The following PDE4C variants were observed in gnomAD, a reference collection of about 807,000 sequenced individuals.
The protein encoded by PDE4C is 3',5'-cyclic-AMP phosphodiesterase 4C.
A neutral mutation model predicts 63.9 loss-of-function variants in PDE4C; 50 were observed. The ratio of observed to expected loss-of-function variants is 0.78; its 90% CI spans 0.62 to 0.99. The LOEUF (loss-of-function observed/expected upper bound fraction) is 0.99. Ranked by LOEUF, PDE4C falls within the 50% of genes least tolerant of loss-of-function variation. PDE4C has a pLI of 0.00. For missense variants in PDE4C, 777 were observed against 899.1 expected, an observed-to-expected ratio of 0.86 and a Z score of 1.74; for synonymous variants, 377 against 385.1, an observed-to-expected ratio of 0.98 and a Z score of 0.25.
chr19:18,223,140 T>G (rs1231121150), intron 1 of PDE4C, among the ~76,000 whole-genome samples: 2 of 151,910 alleles, frequency 1.3e-5, no homozygotes, highest in Non-Finnish European at 2.9e-5. Context: ...CCTCCCGGGT[T>G]CAAGCAATTT....
upstream of PDE4C, among the ~76,000 whole-genome samples, chr19:18,249,531 T>G (rs1200704460): frequency 6.6e-6 from 1 of 151,812 alleles, no homozygotes; most frequent in Non-Finnish European, 1.5e-5. Flanking sequence ...CACCTTTGCC[T>G]TCCAAAGTGC....
At chr19:18,221,229 G>A in intron 3 of PDE4C, 32 bp downstream of exon 3, 1 of 1,557,840 alleles carries the variant, frequency 6.4e-7, no homozygotes, top group East Asian at 2.3e-5. Flanking sequence ...GATCCGGAGG[G>A]GGTCAGGGCA....
At chr19:18,214,248 C>T (rs534278411) in intron 12 of PDE4C, among the ~76,000 whole-genome samples, 36 of 147,120 alleles carry the variant, frequency 2.4e-4, no homozygotes, top group African/African-American at 9.1e-4. Flanking sequence ...AAGACTCCGT[C>T]TCAAAAAAAA....
rs1021463740 is a variant in PDE4C at position 18,211,301 on chromosome 19, G to T, written c.1696-25C>A. The T allele has an allele frequency of 3.9e-6, 6 of 1,536,510 alleles. No homozygotes were observed. In the African/African-American group the frequency reaches 8.2e-5, roughly 21 times the overall value. On this transcript the variant is annotated intron_variant, in intron 14 of 14. Transcript: ENST00000262805. ...CCTGTGGCGGGGGGTGGGGCATGTC[G>T]GCATTTGGTGAGTTACAGTGAACCC...
At chr19:18,243,946 CCT>C (rs1357936960) in intron 1 of PDE4C, among the ~76,000 whole-genome samples, 1 of 152,014 alleles carries the variant, frequency 6.6e-6, no homozygotes, top group Non-Finnish European at 1.5e-5. Flanking sequence ...CCTCCAACTC[CCT>C]GTTTCATGTG....
intron 7 of PDE4C, 52 bp from the exon 8 acceptor site, chr19:18,219,449 C>A (rs1968364681): frequency 2.0e-6 from 3 of 1,526,204 alleles, no homozygotes; most frequent in Admixed American, 4.3e-5. Context: ...CCTGCTGGGG[C>A]CTGGCCTCAG....
upstream of PDE4C, among the ~76,000 whole-genome samples, chr19:18,227,565 T>C (rs1968767530): frequency 6.6e-6 from 1 of 152,178 alleles, no homozygotes; most frequent in South Asian, 2.1e-4. Context: ...TACCAGGTGC[T>C]CTACCCTCAG....
chr19:18,219,242 G>C, exon 8 of PDE4C: 1 of 1,614,204 alleles, frequency 6.2e-7, no homozygotes, highest in Non-Finnish European at 8.5e-7. Context: ...ACCTTGGCCA[G>C]TTGCTCCTCC....
chr19:18,249,042 A>G (rs1194298057), upstream of PDE4C, among the ~76,000 whole-genome samples: 1 of 150,962 alleles, frequency 6.6e-6, no homozygotes, highest in Admixed American at 6.6e-5. Flanking sequence ...AAAAAAAAAA[A>G]AAGAATGGCT....
upstream of PDE4C, among the ~76,000 whole-genome samples, chr19:18,248,868 CA>C (rs67023024): frequency 0.76 from 114,694 of 151,382 alleles, 43,627 homozygotes; most frequent in East Asian, 0.91. Flanking sequence ...ACTAAAAATA[CA>C]AAAAAATTAG....
chr19:18,220,398 C>A lies in PDE4C; in HGVS notation c.612+5G>T. On this transcript the variant is annotated splice_donor_5th_base_variant and intron_variant, in intron 6 of 14. Transcript: ENST00000262805. This position sits in a 1 kb window ranked among gnomAD's most constrained non-coding sequence, Gnocchi z 5.1. ...AGGTGAGCTCAGCGATCTGCCCCAC[C>A]TCACCTTGTTGGAGGCCATCTCCCC... 6.2e-7 allele frequency: 1 copy of A among 1,613,892 alleles called. No homozygotes were observed. The highest frequency in any genetic ancestry group is 2.2e-5 in the East Asian group (1 of 44,876).
intron 1 of PDE4C, among the ~76,000 whole-genome samples, chr19:18,231,679 G>A (rs1968851321): frequency 2.0e-5 from 3 of 152,122 alleles, no homozygotes; most frequent in Admixed American, 2.0e-4. Flanking sequence ...ACTCAGCCTG[G>A]ACTGAAATCT....
chr19:18,231,238 C>T (rs187563110), upstream of PDE4C, among the ~76,000 whole-genome samples: 2 of 152,328 alleles, frequency 1.3e-5, no homozygotes, highest in East Asian at 1.9e-4. Context: ...TGCTCATCCA[C>T]GTATGTGTGA....
chr19:18,226,294 C>T, exon 1 of PDE4C: 1 of 1,569,398 alleles, frequency 6.4e-7, no homozygotes, highest in Non-Finnish European at 8.6e-7. Context: ...CACCGTGAAG[C>T]GCCGCTGCAG....
chr19:18,220,578 C>T lies in PDE4C; in HGVS notation c.500-63G>A. On this transcript the variant is annotated intron_variant, in intron 5 of 14. Transcript: ENST00000262805. This position sits in a 1 kb window ranked among gnomAD's most constrained non-coding sequence, Gnocchi z 5.1. The stretch of plus-strand genomic sequence containing the variant: ...CCGCTCAGGGACCCCACGCCTCTCG[C>T]GACTTCGTCTCTTCATCTGGACCCT... The T allele has an allele frequency of 1.4e-6, 2 of 1,395,346 alleles. No individual in the cohort carries two copies. Among genetic ancestry groups the T allele is most frequent in the Non-Finnish European group, 2.0e-6 (2 of 1,001,796 alleles). 86.4% of individuals were successfully genotyped at this position (1,395,346 alleles called of 1,614,324 possible).
upstream of PDE4C, among the ~76,000 whole-genome samples, chr19:18,249,655 C>A (rs909544922): frequency 6.6e-5 from 10 of 150,546 alleles, no homozygotes; most frequent in Non-Finnish European, 1.5e-4. Context: ...CTCACTGCAA[C>A]CTCCGCCTCC....
At chr19:18,246,435 G>T (rs577911866) in intron 1 of PDE4C, among the ~76,000 whole-genome samples, 1 of 150,984 alleles carries the variant, frequency 6.6e-6, no homozygotes, top group African/African-American at 2.4e-5. Context: ...CACCTGCCTC[G>T]GCCTCCCAAA....
chr19:18,220,312 C>T lies in PDE4C; in HGVS notation c.620G>A (p.Arg207Gln), dbSNP rs1042552963. 6 of 1,613,988 alleles carry T rather than the reference C, an allele frequency of 3.7e-6. No homozygotes were observed. The highest frequency in any genetic ancestry group is 5.1e-6 in the Non-Finnish European group (6 of 1,179,994). ...GTGGGTCAACTCCCGGTTCAGGATC[C>T]GCTTGAACTGGGGCGGAGAGAAGGT... The change falls in exon 7 of 15, where the codon CGG becomes CAG. Residue 207 changes from arginine (R) to glutamine (Q), a missense_variant. By Grantham distance (43) the Arg-to-Gln change is conservative. This residue lies in a region of PDE4C where 28 missense variants were observed against 53.5 expected (regional missense o/e 0.52). Coordinates refer to ENST00000262805, the Ensembl canonical transcript of PDE4C. This position sits in a 1 kb window ranked among gnomAD's most constrained non-coding sequence, Gnocchi z 5.1.
intron 1 of PDE4C, among the ~76,000 whole-genome samples, chr19:18,247,018 C>T (rs1330050801): frequency 6.6e-6 from 1 of 152,200 alleles, no homozygotes; most frequent in East Asian, 1.9e-4. Context: ...ATCCAGCCCC[C>T]GCAGGGTTTT....
Sources: gnomAD v4.1 joint callset for allele counts (sites outside exome capture counted in the v4.1 genomes callset) on GRCh38, gnomAD v4.1.1 for gene constraint, gnomAD v4.1.1 regional missense constraint, Gnocchi (gnomAD v3.1) non-coding constraint, MANE v1.5 for transcripts, NCBI Gene and HGNC (gene_info 2026-07-23, HGNC 2026-07-21) for gene names.